Variants in ZNF536 observed in about 807,000 individuals in gnomAD.
The protein encoded by ZNF536 is zinc finger protein 536.
Under a neutral mutation model 84.5 loss-of-function variants are expected in ZNF536, and 13 were observed. The observed-to-expected ratio is 0.15, with a 90% CI of 0.10 to 0.24. The LOEUF is 0.24. Among genes scored for constraint, ZNF536 ranks in the 10% least tolerant of loss-of-function variants. ZNF536 has a pLI of 1.00. For missense variants in ZNF536, 1,536 were observed against 1,747.5 expected (o/e 0.88, Z 2.16); for synonymous variants, 811 against 742.5 (o/e 1.09, Z -1.50).
At chr19:30,621,736 G>A (rs1195723483) in intron 1 of ZNF536, among the ~76,000 whole-genome samples, 2 of 152,252 alleles carry the variant, frequency 1.3e-5, no homozygotes, top group Admixed American at 6.5e-5. Flanking sequence ...GGTGGATGCC[G>A]TGGGGCCCTG....
intron 1 of ZNF536, among the ~76,000 whole-genome samples, chr19:30,630,404 T>A: frequency 2.6e-5 from 1 of 38,152 alleles, no homozygotes; most frequent in African/African-American, 1.1e-4. Flanking sequence ...GTATCCCGTG[T>A]GTGTGTGTGT....
rs187311339 is a variant in ZNF536 at position 30,496,590 on chromosome 19, T to C, written c.2171-38257T>C. On this transcript the variant is annotated intron_variant, in intron 2 of 4. Coordinates refer to ENST00000355537, the MANE Select transcript of ZNF536 (RefSeq NM_014717.3). ...CTGTTAACTGAAGGAACAAATGTCTTATTGCATTGCTGTCGGAATTACATA... is the reference window on the plus strand; with the variant it reads ...CTGTTAACTGAAGGAACAAATGTCTCATTGCATTGCTGTCGGAATTACATA... Among the ~76,000 whole-genome samples the C allele has an allele frequency of 1.9e-3, 282 of 152,260 alleles. 1 individual carries two copies. Among genetic ancestry groups the C allele is most frequent in the African/African-American group, 6.3e-3 (261 of 41,550 alleles).
intron 1 of ZNF536, among the ~76,000 whole-genome samples, chr19:30,605,777 T>C (rs2047848738): frequency 6.6e-6 from 1 of 152,194 alleles, no homozygotes; most frequent in Admixed American, 6.5e-5. Flanking sequence ...TTTTTTGACA[T>C]CACTGTATCT....
intron 3 of ZNF536, among the ~76,000 whole-genome samples, chr19:30,353,992 G>T (rs10402129): frequency 6.6e-6 from 1 of 152,164 alleles, no homozygotes; most frequent in African/African-American, 2.4e-5. Flanking sequence ...CTTGCCTCCC[G>T]AGATGGAGAA....
rs931257586 is a variant in ZNF536 at position 30,379,816 on chromosome 19, G to A, written c.-3+7260G>A. Among the ~76,000 whole-genome samples the A allele has an allele frequency of 1.3e-5, 2 of 152,096 alleles. 1 individual carries two copies. The highest frequency in any genetic ancestry group is 4.1e-4 in the South Asian group (2 of 4,826). On this transcript the variant is annotated intron_variant, in intron 1 of 4. Transcript: ENST00000355537. Reference sequence around the variant, plus strand: ...TTGCAAAGCCACCAAGGCATGCCTGGGACCTCCTGTGACTGCCCGTCACTC... The same window carrying A: ...TTGCAAAGCCACCAAGGCATGCCTGAGACCTCCTGTGACTGCCCGTCACTC...
intron 1 of ZNF536, among the ~76,000 whole-genome samples, chr19:30,606,242 TAAA>T (rs1194568726): frequency 1.5e-4 from 10 of 67,466 alleles, no homozygotes; most frequent in South Asian, 5.3e-4. Flanking sequence ...TAAAATAAAA[TAAA>T]ATAAAATAAA....
intron 1 of ZNF536, among the ~76,000 whole-genome samples, chr19:30,602,413 T>TGCTGC: frequency 6.6e-6 from 1 of 152,356 alleles, no homozygotes; most frequent in East Asian, 1.9e-4. Flanking sequence ...GTGGGCTCTG[T>TGCTGC]GCTGCGTGGA....
intron 1 of ZNF536, among the ~76,000 whole-genome samples, chr19:30,270,572 G>C (rs1046648377): frequency 6.6e-6 from 1 of 152,190 alleles, no homozygotes; most frequent in Non-Finnish European, 1.5e-5. Flanking sequence ...CCGTAAACAG[G>C]TGCACCCATT....
intron 2 of ZNF536, among the ~76,000 whole-genome samples, chr19:30,458,719 T>C (rs1360046450): frequency 6.6e-6 from 1 of 152,186 alleles, no homozygotes; most frequent in East Asian, 1.9e-4. Flanking sequence ...CCCAAAGTGC[T>C]GGGATTACAG....
intron 1 of ZNF536, among the ~76,000 whole-genome samples, chr19:30,412,440 AGATATTAAT>A (rs1322418001): frequency 2.0e-5 from 3 of 152,032 alleles, no homozygotes; most frequent in Admixed American, 6.5e-5. Flanking sequence ...TTCTCTTGTA[AGATATTAAT>A]ATAGTGAATT....
chr19:30,692,121 CG>C (rs1162086834), intron 1 of ZNF536, among the ~76,000 whole-genome samples: 19 of 152,342 alleles, frequency 1.2e-4, no homozygotes, highest in Admixed American at 1.2e-3. Context: ...TTTCTTCCTA[CG>C]GATTTTTCTT....
intron 2 of ZNF536, among the ~76,000 whole-genome samples, chr19:30,477,467 A>G (rs1005942568): frequency 3.9e-5 from 6 of 152,128 alleles, no homozygotes; most frequent in African/African-American, 1.4e-4. Flanking sequence ...TGAAACAGCA[A>G]CCTCCCAAGA....
intron 1 of ZNF536, among the ~76,000 whole-genome samples, chr19:30,277,260 G>T (rs996884452): frequency 6.6e-6 from 1 of 152,138 alleles, no homozygotes; most frequent in African/African-American, 2.4e-5. Flanking sequence ...AGAGACAGGG[G>T]TGTAATTTGA....
At chr19:30,326,227 A>G (rs1404684354) in intron 2 of ZNF536, among the ~76,000 whole-genome samples, 2 of 152,208 alleles carry the variant, frequency 1.3e-5, no homozygotes, top group Non-Finnish European at 2.9e-5. Flanking sequence ...TGCCAGGGAC[A>G]TGTCCCAGTG....
chr19:30,617,024 C>T (rs190357507), intron 1 of ZNF536, among the ~76,000 whole-genome samples: 1 of 152,206 alleles, frequency 6.6e-6, no homozygotes, highest in Admixed American at 6.5e-5. Context: ...TGAATTTGGG[C>T]TTCACAAATT....
intron 2 of ZNF536, among the ~76,000 whole-genome samples, chr19:30,528,829 C>T (rs1453144975): frequency 2.0e-5 from 3 of 151,920 alleles, no homozygotes; most frequent in South Asian, 2.1e-4. Flanking sequence ...AACCATTTGC[C>T]GTCCTTTTTA....
intron 1 of ZNF536, among the ~76,000 whole-genome samples, chr19:30,440,389 T>G (rs2051981208): frequency 6.6e-6 from 1 of 152,122 alleles, no homozygotes; most frequent in Non-Finnish European, 1.5e-5. Flanking sequence ...TTAGGTCACA[T>G]GACTGATTTT....
intron 1 of ZNF536, among the ~76,000 whole-genome samples, chr19:30,392,034 T>A (rs1358513304): frequency 6.6e-6 from 1 of 152,124 alleles, no homozygotes; most frequent in Non-Finnish European, 1.5e-5. Flanking sequence ...CAAGTGTGCA[T>A]GGATTCTAGG....
intron 1 of ZNF536, among the ~76,000 whole-genome samples, chr19:30,396,590 C>T (rs1409415949): frequency 3.1e-5 from 2 of 64,700 alleles, no homozygotes; most frequent in Admixed American, 2.6e-4. Flanking sequence ...AGAGGGCTCT[C>T]TCTTTTTTTT....
Sources: allele counts gnomAD v4.1 joint callset (sites outside exome capture counted in the v4.1 genomes callset), GRCh38; gene constraint gnomAD v4.1.1; transcripts MANE v1.5; gene names NCBI Gene and HGNC (gene_info 2026-07-23, HGNC 2026-07-21).